LIPA: variants seen among roughly 807,000 people sequenced by gnomAD.
The protein encoded by LIPA is lysosomal acid lipase/cholesteryl ester hydrolase.
LIPA carries 26 observed loss-of-function variants against 40.6 expected under a neutral mutation model. The ratio of observed to expected loss-of-function variants is 0.64; its 90% CI spans 0.47 to 0.89. The LOEUF (loss-of-function observed/expected upper bound fraction) is 0.89, where lower values mean the gene tolerates loss of function less well. Among genes scored for constraint, LIPA ranks in the 40% least tolerant of loss-of-function variants. The pLI is 0.00. For missense variants in LIPA, 455 were observed against 479.6 expected (o/e 0.95, Z 0.48); for synonymous variants, 188 against 168.4 (o/e 1.12, Z -0.90).
intron 2 of LIPA, among the ~76,000 whole-genome samples, chr10:89,401,613 A>G (rs1844424872): frequency 6.6e-6 from 1 of 152,130 alleles, no homozygotes; most frequent in Admixed American, 6.5e-5. Context: ...GAAAAAAATG[A>G]CATAGCACTA....
At chr10:89,412,839 C>G (rs773090885) in exon 2 of LIPA, 19 of 373,446 alleles carry the variant, frequency 5.1e-5, no homozygotes, top group Non-Finnish European at 9.0e-5. Context: ...GGAACAAACT[C>G]CAGACACGCC....
At chr10:89,407,916 C>A (rs1462377790) in intron 2 of LIPA, among the ~76,000 whole-genome samples, 1 of 152,180 alleles carries the variant, frequency 6.6e-6, no homozygotes, top group Non-Finnish European at 1.5e-5. Flanking sequence ...TCTGCTGCTG[C>A]ATTGGTGAGT....
chr10:89,347,537 C>T (rs1413575087), upstream of LIPA, among the ~76,000 whole-genome samples: 2 of 152,226 alleles, frequency 1.3e-5, no homozygotes, highest in African/African-American at 2.4e-5. Context: ...ACTTGCCATG[C>T]TAACTCTGCA....
At chr10:89,365,603 A>T (rs1398663417) in intron 2 of LIPA, among the ~76,000 whole-genome samples, 2 of 152,076 alleles carry the variant, frequency 1.3e-5, no homozygotes, top group African/African-American at 4.8e-5. Context: ...TTAAATCTTT[A>T]ATCCATCTTG....
At chr10:89,354,309 A>C (rs1161685465) in intron 2 of LIPA, among the ~76,000 whole-genome samples, 1 of 152,220 alleles carries the variant, frequency 6.6e-6, no homozygotes, top group African/African-American at 2.4e-5. Flanking sequence ...TACATCTTAC[A>C]TGTACTGATT....
chr10:89,230,671 T>C (rs1842830399), intron 3 of LIPA, among the ~76,000 whole-genome samples: 1 of 152,164 alleles, frequency 6.6e-6, no homozygotes, highest in Admixed American at 6.5e-5. Flanking sequence ...AGTTCTAACA[T>C]GACACCTTGG....
At chr10:89,256,261 G>A (rs1843180601), upstream of LIPA, among the ~76,000 whole-genome samples, 1 of 152,234 alleles carries the variant, frequency 6.6e-6, no homozygotes, top group South Asian at 2.1e-4. Flanking sequence ...ACATGGAGAT[G>A]TTGAGTAGGG....
intron 3 of LIPA, among the ~76,000 whole-genome samples, chr10:89,245,218 T>C (rs1210643719): frequency 6.6e-6 from 1 of 152,092 alleles, no homozygotes; most frequent in Non-Finnish European, 1.5e-5. Flanking sequence ...ATGAGATTTT[T>C]GGAAATAAAA....
At chr10:89,317,545 C>A (rs1035087526) in intron 1 of LIPA, among the ~76,000 whole-genome samples, 3 of 152,120 alleles carry the variant, frequency 2.0e-5, no homozygotes, top group Admixed American at 2.0e-4. Context: ...TGAACAAAGC[C>A]TCCAAGAAAT....
At chr10:89,227,118 G>A (rs11203040) in intron 4 of LIPA, 114 bp from the exon 5 acceptor site, 1 of 751,328 alleles carries the variant, frequency 1.3e-6, no homozygotes, top group Non-Finnish European at 2.4e-6. Flanking sequence ...GGGAAAACCA[G>A]CAGTGAGTCC....
intron 1 of LIPA, among the ~76,000 whole-genome samples, chr10:89,318,717 T>C (rs1843555192): frequency 6.6e-6 from 1 of 152,196 alleles, no homozygotes; most frequent in Admixed American, 6.5e-5. Context: ...GCAGACCTAA[T>C]AGACATCTAC....
intron 2 of LIPA, among the ~76,000 whole-genome samples, chr10:89,389,844 G>A (rs908847778): frequency 5.3e-5 from 8 of 152,156 alleles, no homozygotes; most frequent in African/African-American, 1.9e-4. Flanking sequence ...AACAGGAAGT[G>A]GGTCCAGGGA....
At chr10:89,256,106 C>T (rs1264638872), upstream of LIPA, among the ~76,000 whole-genome samples, 1 of 152,208 alleles carries the variant, frequency 6.6e-6, no homozygotes, top group Non-Finnish European at 1.5e-5. Flanking sequence ...CCACAAGTCC[C>T]TTCTGAGGAT....
intron 2 of LIPA, chr10:89,384,522 A>G: frequency 1.2e-6 from 2 of 1,613,982 alleles, no homozygotes; most frequent in Non-Finnish European, 1.7e-6. Context: ...CCCATTATTT[A>G]AAAGGTTTGA....
intron 2 of LIPA, chr10:89,378,256 G>A: frequency 2.9e-6 from 3 of 1,020,646 alleles, no homozygotes; most frequent in Non-Finnish European, 3.1e-6. Context: ...CCCACTGGTG[G>A]TTCTGACCCT....
At chr10:89,227,465 G>C (rs185768462) in intron 4 of LIPA, among the ~76,000 whole-genome samples, 2 of 152,324 alleles carry the variant, frequency 1.3e-5, no homozygotes, top group Admixed American at 1.3e-4. Context: ...TTTGTTAAAA[G>C]CTCTCATTCT....
intron 3 of LIPA, among the ~76,000 whole-genome samples, chr10:89,231,264 G>T (rs1248445296): frequency 6.6e-6 from 1 of 152,194 alleles, no homozygotes; most frequent in Non-Finnish European, 1.5e-5. Context: ...GTTCATTTCT[G>T]CTAATGTCCT....
At chr10:89,393,393 T>A in intron 2 of LIPA, 1 of 941,874 alleles carries the variant, frequency 1.1e-6, no homozygotes, top group Non-Finnish European at 1.4e-6. Context: ...ATCCGTATCT[T>A]CCTTACCTAA....
rs1843391493 is a variant in LIPA at position 89,293,694 on chromosome 10, G to GAGAGAGAGAA, written c.-1-46046_-1-46045insTTCTCTCTCT. The GAGAGAGAGAA allele has an allele frequency of 3.9e-5, 6 of 151,914 alleles. No homozygotes were observed. The South Asian group carries it at 1.3e-3, about 32-fold the overall frequency. The allele number at this position is 151,914 out of a possible 1,614,324, so 9.4% of individuals were successfully genotyped here. On this transcript the variant is annotated intron_variant, in intron 1 of 5. Transcript: ENST00000282673. ...CTGTGTGAGATGAGAGAGAGAGAGAGAGAGAGAGAGAGAGAGAGAGATATC... is the reference window on the plus strand; with the variant it reads ...CTGTGTGAGATGAGAGAGAGAGAGAGAGAGAGAGAAAGAGAGAGAGAGAGAGAGAGATATC...
Sources: allele counts gnomAD v4.1 joint callset (sites outside exome capture counted in the v4.1 genomes callset), GRCh38; gene constraint gnomAD v4.1.1; transcripts MANE v1.5; gene names NCBI Gene and HGNC (gene_info 2026-07-23, HGNC 2026-07-21).